ADA2: variants seen among roughly 807,000 people sequenced by gnomAD.
ADA2 encodes adenosine deaminase CECR1.
ADA2 carries 29 observed loss-of-function variants against 44.2 expected under a neutral mutation model. The ratio of observed to expected loss-of-function variants is 0.66; its 90% CI spans 0.49 to 0.89. The LOEUF is 0.89. Ranked by LOEUF, ADA2 falls within the 40% of genes least tolerant of loss-of-function variation. ADA2 has a pLI of 0.00. For synonymous variants in ADA2, 215 were observed against 234.9 expected (o/e 0.92, Z 0.77); for missense variants, 637 against 644.8 (o/e 0.99, Z 0.13).
chr22:17,208,461 G>T (rs1270306141), intron 2 of ADA2, among the ~76,000 whole-genome samples: 1 of 148,522 alleles, frequency 6.7e-6, no homozygotes, highest in Non-Finnish European at 1.5e-5. Flanking sequence ...AAAAAAACAG[G>T]TGTTAAGTCT....
intron 4 of ADA2, 62 bp from the exon 5 acceptor site, chr22:17,191,872 A>G: frequency 6.6e-7 from 1 of 1,516,048 alleles, no homozygotes; most frequent in Non-Finnish European, 8.8e-7. Context: ...CCCCCTTCCC[A>G]GCCACCCCTG....
intron 4 of ADA2, chr22:17,199,428 T>G: frequency 1.2e-6 from 1 of 867,054 alleles, no homozygotes. Context: ...CTCCCTCCCC[T>G]CCTCTATCCT....
At chr22:17,183,456 CTTT>C (rs1227906560) in intron 7 of ADA2, among the ~76,000 whole-genome samples, 2 of 77,420 alleles carry the variant, frequency 2.6e-5, no homozygotes, top group Admixed American at 1.5e-4. Flanking sequence ...TTGTGGCACT[CTTT>C]TTTTTTTTTT....
chr22:17,198,398 A>G (rs1440530529), intron 4 of ADA2, among the ~76,000 whole-genome samples: 1 of 152,198 alleles, frequency 6.6e-6, no homozygotes, highest in Non-Finnish European at 1.5e-5. Context: ...GCACAATGAC[A>G]GCATAGTCGG....
At chr22:17,187,726 C>G (rs1170768647) in intron 7 of ADA2, among the ~76,000 whole-genome samples, 1 of 151,314 alleles carries the variant, frequency 6.6e-6, no homozygotes, top group African/African-American at 2.4e-5. Flanking sequence ...TGCGCACCAG[C>G]TCTTTAACCC....
chr22:17,211,248 G>A (rs937858498), intron 1 of ADA2, among the ~76,000 whole-genome samples: 18 of 151,396 alleles, frequency 1.2e-4, no homozygotes, highest in African/African-American at 3.6e-4. Context: ...AGTCCCAGCT[G>A]TTTGGGAGGC....
At position 17,183,666 on chromosome 22, in the gene ADA2, C is replaced by T. The variant is rs5992634; in HGVS notation, c.1082-905G>A. On this transcript the variant is annotated intron_variant, in intron 7 of 9. Coordinates refer to ENST00000399837, the MANE Select transcript of ADA2 (RefSeq NM_001282225.2). ...TAGTAGAGACGGGGTTTCACCATGT[C>T]GGCCAGGCCGGTCTCAAACTCCTGA... 0.88 allele frequency among the ~76,000 whole-genome samples: 132,751 copies of T among 151,460 alleles called. 58,276 individuals are homozygous for T. Among genetic ancestry groups the T allele is most frequent in the East Asian group, 0.92 (4,686 of 5,078 alleles).
chr22:17,212,486 C>T (rs530197086), intron 1 of ADA2, among the ~76,000 whole-genome samples: 19 of 152,272 alleles, frequency 1.2e-4, no homozygotes, highest in African/African-American at 4.1e-4. Flanking sequence ...GTTGCCCAGG[C>T]TGGTCTTGAA....
chr22:17,181,601 T>A, intron 9 of ADA2, 25 bp from the exon 10 acceptor site: 1 of 1,530,300 alleles, frequency 6.5e-7, no homozygotes, highest in East Asian at 2.2e-5. Context: ...GGAGCCCAGG[T>A]CAGCCTCAGG....
Position 17,182,636 on chromosome 22 carries a change from T to C in ADA2, c.1207A>G (p.Ile403Val). The C allele has an allele frequency of 6.2e-7, 1 of 1,614,198 alleles. No homozygotes were observed. Among genetic ancestry groups the C allele is most frequent in the Non-Finnish European group, 8.5e-7 (1 of 1,180,038 alleles). Reference protein sequence around the residue: ...AVRTYSWKKDIPIEVCPISNQ... With the variant: ...AVRTYSWKKDVPIEVCPISNQ... The stretch of plus-strand genomic sequence containing the variant: ...GAGATGGGACAGACTTCTATGGGGA[T>C]GTCCTTTTTCCAGGAGTAAGTCCTG... The change falls in exon 8 of 10, where the codon ATC (isoleucine) becomes GTC (valine). Residue 403 changes from isoleucine (I) to valine (V), a missense_variant. Transcript: ENST00000399837.
intron 4 of ADA2, among the ~76,000 whole-genome samples, chr22:17,194,230 C>G (rs560261152): frequency 6.6e-6 from 1 of 151,986 alleles, no homozygotes; most frequent in Non-Finnish European, 1.5e-5. Flanking sequence ...CAGGAGCTGT[C>G]CCCTCACTAA....
chr22:17,209,715 T>G lies in ADA2; in HGVS notation c.-38A>C. On this transcript the variant is annotated 5_prime_UTR_variant, in exon 2 of 10. Coordinates refer to ENST00000399837, the MANE Select transcript of ADA2 (RefSeq NM_001282225.2). ...ACTAGGAAAGGGCTCAGATGGAGAC[T>G]CCACGGGACTGCAAAGGAGAGTGGG... is the stretch of plus-strand genomic sequence containing the variant. 6.5e-7 allele frequency: 1 copy of G among 1,543,090 alleles called. No individual in the cohort carries two copies. The highest frequency in any genetic ancestry group is 8.9e-7 in the Non-Finnish European group (1 of 1,129,734).
At chr22:17,214,498 C>T (rs2062450406) in intron 1 of ADA2, among the ~76,000 whole-genome samples, 1 of 152,216 alleles carries the variant, frequency 6.6e-6, no homozygotes, top group African/African-American at 2.4e-5. Context: ...CTGAGGCCAG[C>T]CAGCTGTCTT....
At chr22:17,182,052 G>C in intron 8 of ADA2, 30 bp from the exon 9 acceptor site, 1 of 1,557,786 alleles carries the variant, frequency 6.4e-7, no homozygotes, top group African/African-American at 1.4e-5. Flanking sequence ...GGAGAAAGAT[G>C]AACTCTGATC....
At chr22:17,207,019 A>G (rs1228048439) in intron 3 of ADA2, 52 bp downstream of exon 3, 10 of 1,409,152 alleles carry the variant, frequency 7.1e-6, no homozygotes, top group Non-Finnish European at 1.0e-6. Context: ...ACACCTACCC[A>G]CTGCCACCCC....
rs2061959797 is a variant in ADA2 at position 17,180,796 on chromosome 22, G to A, written c.*687C>T. On this transcript the variant is annotated 3_prime_UTR_variant, in exon 10 of 10. Coordinates refer to ENST00000399837, the MANE Select transcript of ADA2 (RefSeq NM_001282225.2). ...GCAAAGGAATGGATGAGACCACCCA[G>A]GAAAAGTGTACAGAGAGAGAAGAGA... The A allele has an allele frequency of 6.6e-6, 1 of 152,198 alleles. No homozygotes were observed. The highest frequency in any genetic ancestry group is 6.5e-5 in the Admixed American group (1 of 15,276). The allele number at this position is 152,198 out of a possible 1,614,324, so 9.4% of individuals were successfully genotyped here.
rs144945730 is a variant in ADA2, at chr22:17,189,886, A to G, written c.972+56T>C. 2.9e-5 allele frequency: 37 copies of G among 1,256,264 alleles called. No individual in the cohort carries two copies. In the East Asian group the frequency reaches 7.6e-4, roughly 26 times the overall value. 77.8% of individuals were successfully genotyped at this position (1,256,264 alleles called of 1,614,324 possible). ...CAGGGAGTTGCCGCTCCACCCAGAC[A>G]GGCATCCTCGCATGCCCCCTTAACA... On this transcript the variant is annotated intron_variant, in intron 6 of 9. Transcript: ENST00000399837.
chr22:17,214,578 G>A (rs1233712722), intron 1 of ADA2, among the ~76,000 whole-genome samples: 9 of 152,140 alleles, frequency 5.9e-5, no homozygotes, highest in Admixed American at 1.3e-4. Flanking sequence ...GCAGAGCTCC[G>A]CAGGACCCAG....
chr22:17,209,112 G>T (rs2062388980), intron 2 of ADA2, among the ~76,000 whole-genome samples: 1 of 152,058 alleles, frequency 6.6e-6, no homozygotes, highest in Non-Finnish European at 1.5e-5. Context: ...ACTAAAAAGG[G>T]AATAGCAAAG....
Sources: gnomAD v4.1 joint callset for allele counts (sites outside exome capture counted in the v4.1 genomes callset) on GRCh38, gnomAD v4.1.1 for gene constraint, MANE v1.5 for transcripts, NCBI Gene and HGNC (gene_info 2026-07-23, HGNC 2026-07-21) for gene names.